Variants in NAV3 observed in about 807,000 individuals in gnomAD.
The protein encoded by NAV3 is neuron navigator 3.
NAV3 carries 87 observed loss-of-function variants against 244.7 expected under a neutral mutation model. That is an observed-to-expected ratio of 0.36 (90% CI 0.30 to 0.42). The LOEUF is 0.42. Among genes scored for constraint, NAV3 ranks in the 20% least tolerant of loss-of-function variants. NAV3 has a pLI of 1.00. For missense variants in NAV3, 2,663 were observed against 2,893.3 expected (o/e 0.92, Z 1.83); for synonymous variants, 1,126 against 1,042.2 (o/e 1.08, Z -1.55).
At chr12:77,699,165 T>C (rs1875448292) in intron 2 of NAV3, among the ~76,000 whole-genome samples, 1 of 152,114 alleles carries the variant, frequency 6.6e-6, no homozygotes, top group South Asian at 2.1e-4. Context: ...TTGCAGGACA[T>C]GAAGCAATAG....
chr12:77,865,798 CGTGT>C lies in NAV3; in HGVS notation c.243+34108_243+34111del, dbSNP rs35804861. ...ATATATGCATATACACGTATATATG[CGTGT>C]GTGTGTGTGTGTGGTCGTTCTAATT... On this transcript the variant is annotated intron_variant, in intron 1 of 39. Transcript: ENST00000397909. Among the ~76,000 whole-genome samples the C allele has an allele frequency of 3.9e-3, 575 of 149,250 alleles. 3 individuals are homozygous for C. The highest frequency in any genetic ancestry group is 0.013 in the African/African-American group (539 of 40,866).
At chr12:77,702,825 G>A (rs1218952892) in intron 2 of NAV3, among the ~76,000 whole-genome samples, 1 of 51,344 alleles carries the variant, frequency 1.9e-5, no homozygotes, top group South Asian at 1.2e-3. Context: ...AAGAAAAATA[G>A]ATAGTATTTT....
intron 1 of NAV3, among the ~76,000 whole-genome samples, chr12:77,899,921 G>A (rs2619067): frequency 6.6e-6 from 1 of 151,884 alleles, no homozygotes; most frequent in Admixed American, 6.6e-5. Flanking sequence ...ACATGTGCAC[G>A]CTTGTTACAT....
At chr12:77,667,816 C>T (rs1873785727) in intron 2 of NAV3, among the ~76,000 whole-genome samples, 1 of 152,136 alleles carries the variant, frequency 6.6e-6, no homozygotes, top group African/African-American at 2.4e-5. Flanking sequence ...CTCTTGAAAG[C>T]ACCACCTTCT....
At chr12:78,206,504 T>A (rs1014978403) in intron 39 of NAV3, among the ~76,000 whole-genome samples, 3 of 152,162 alleles carry the variant, frequency 2.0e-5, no homozygotes, top group African/African-American at 7.2e-5. Context: ...TTATAAGATT[T>A]GTTCTCAGTT....
intron 2 of NAV3, among the ~76,000 whole-genome samples, chr12:77,697,931 T>C (rs1030010093): frequency 1.3e-5 from 2 of 152,062 alleles, no homozygotes; most frequent in East Asian, 1.9e-4. Flanking sequence ...GTGGAGATGA[T>C]AGTGTAGAGA....
At chr12:78,143,857 C>A (rs1956741715) in intron 20 of NAV3, among the ~76,000 whole-genome samples, 1 of 152,108 alleles carries the variant, frequency 6.6e-6, no homozygotes, top group African/African-American at 2.4e-5. Flanking sequence ...GGCATGGGCT[C>A]TCAGGAAGCC....
intron 5 of NAV3, among the ~76,000 whole-genome samples, chr12:77,992,131 G>T (rs549285070): frequency 6.6e-6 from 1 of 151,992 alleles, no homozygotes; most frequent in African/African-American, 2.4e-5. Flanking sequence ...TTTGACCTTT[G>T]CTTCCTTCAC....
chr12:77,820,014 ATTC>A (rs1197854079), intron 2 of NAV3, among the ~76,000 whole-genome samples: 1 of 152,146 alleles, frequency 6.6e-6, no homozygotes, highest in Non-Finnish European at 1.5e-5. Context: ...GGAAATTAAC[ATTC>A]TTCTAAGAAA....
chr12:77,988,121 A>G (rs1438151309), intron 5 of NAV3, among the ~76,000 whole-genome samples: 1 of 152,226 alleles, frequency 6.6e-6, no homozygotes, highest in Non-Finnish European at 1.5e-5. Flanking sequence ...GATATTCTGT[A>G]GCACACAGTA....
chr12:78,202,886 G>T (rs1257478459), intron 38 of NAV3, among the ~76,000 whole-genome samples: 1 of 152,090 alleles, frequency 6.6e-6, no homozygotes, highest in Non-Finnish European at 1.5e-5. Flanking sequence ...CATTCCCATG[G>T]ATTTACTGGC....
chr12:77,831,336 T>C lies in NAV3; in HGVS notation c.-126T>C. 1 of 1,032,628 alleles carries C rather than the reference T, an allele frequency of 9.7e-7. No individual in the cohort carries two copies. The highest frequency in any genetic ancestry group is 2.5e-5 in the South Asian group (1 of 39,404). The allele number at this position is 1,032,628 out of a possible 1,614,324, so 64.0% of individuals were successfully genotyped here. The stretch of plus-strand genomic sequence containing the variant: ...TTCCTGAAAATTATATTATTAGCTT[T>C]TTAAAAATCAGGATGACTGCTAGTT... On this transcript the variant is annotated 5_prime_UTR_variant, in exon 1 of 40. Transcript: ENST00000397909.
At chr12:77,941,028 G>T in intron 2 of NAV3, 53 bp from the exon 3 acceptor site, 1 of 1,153,892 alleles carries the variant, frequency 8.7e-7, no homozygotes, top group Non-Finnish European at 1.3e-6. Context: ...TCACTTCATT[G>T]CTTAAGCATG....
intron 1 of NAV3, among the ~76,000 whole-genome samples, chr12:77,924,204 G>C (rs1258522725): frequency 6.6e-6 from 1 of 152,142 alleles, no homozygotes; most frequent in African/African-American, 2.4e-5. Flanking sequence ...TTTTCATTAT[G>C]TGGCCTCATT....
chr12:77,812,929 T>G (rs1302191586), intron 2 of NAV3, among the ~76,000 whole-genome samples: 2 of 151,876 alleles, frequency 1.3e-5, no homozygotes, highest in Non-Finnish European at 2.9e-5. Context: ...CAGGTTCAAA[T>G]GATTCTCATG....
chr12:77,686,971 TG>T (rs1328100032), intron 2 of NAV3, among the ~76,000 whole-genome samples: 1 of 152,096 alleles, frequency 6.6e-6, no homozygotes, highest in Admixed American at 6.6e-5. Context: ...TGCCTCTCGG[TG>T]GGGTCTTTTT....
chr12:77,728,897 A>G (rs1049315539), intron 2 of NAV3, among the ~76,000 whole-genome samples: 79 of 151,808 alleles, frequency 5.2e-4, no homozygotes, highest in African/African-American at 1.7e-3. Flanking sequence ...AGCAAGACCA[A>G]TCCCTACTCA....
At chr12:77,792,733 A>C (rs1871238450) in intron 2 of NAV3, among the ~76,000 whole-genome samples, 1 of 152,132 alleles carries the variant, frequency 6.6e-6, no homozygotes, top group Non-Finnish European at 1.5e-5. Context: ...TTGGGATCAG[A>C]CTTGTATTAC....
intron 1 of NAV3, among the ~76,000 whole-genome samples, chr12:77,838,541 C>T (rs1014361111): frequency 5.3e-5 from 8 of 151,978 alleles, no homozygotes; most frequent in Non-Finnish European, 2.9e-5. Context: ...GCCAATTTGC[C>T]GAACACATTC....
Sources: allele counts gnomAD v4.1 joint callset (sites outside exome capture counted in the v4.1 genomes callset), GRCh38; gene constraint gnomAD v4.1.1; transcripts MANE v1.5; gene names NCBI Gene and HGNC (gene_info 2026-07-23, HGNC 2026-07-21).